The following ANKS1B variants were observed in gnomAD, a reference collection of about 807,000 sequenced individuals.
ANKS1B encodes ankyrin repeat and sterile alpha motif domain-containing protein 1B.
A neutral mutation model predicts 148.3 loss-of-function variants in ANKS1B; 36 were observed. The ratio of observed to expected loss-of-function variants is 0.24; its 90% CI spans 0.19 to 0.32. The LOEUF is 0.32. Ranked by LOEUF, ANKS1B falls within the 10% of genes least tolerant of loss-of-function variation. The pLI, the probability that ANKS1B is intolerant of heterozygous loss-of-function variation, is 1.00. For synonymous variants in ANKS1B, 542 were observed against 560.8 expected (o/e 0.97, Z 0.47); for missense variants, 1,157 against 1,542.6 (o/e 0.75, Z 4.19).
chr12:99,179,671 T>G (rs1382478124), intron 14 of ANKS1B, among the ~76,000 whole-genome samples: 1 of 152,100 alleles, frequency 6.6e-6, no homozygotes, highest in African/African-American at 2.4e-5. Context: ...CCTAATTATG[T>G]GACCATGGGA....
chr12:99,203,800 C>T (rs1023550032), intron 14 of ANKS1B, among the ~76,000 whole-genome samples: 33 of 152,270 alleles, frequency 2.2e-4, no homozygotes, highest in Admixed American at 8.5e-4. Context: ...ATCTCTTTCA[C>T]GGAACTTATT....
chr12:99,357,288 A>T (rs1261963477), intron 12 of ANKS1B, among the ~76,000 whole-genome samples: 2 of 152,076 alleles, frequency 1.3e-5, no homozygotes, highest in East Asian at 3.8e-4. Flanking sequence ...TATCATTTAA[A>T]TATGGTTTGA....
At chr12:99,592,255 T>C (rs552664388) in intron 9 of ANKS1B, among the ~76,000 whole-genome samples, 2 of 152,160 alleles carry the variant, frequency 1.3e-5, no homozygotes, top group African/African-American at 2.4e-5. Flanking sequence ...TGCTCTTTAT[T>C]TTGCCAGCTA....
intron 17 of ANKS1B, among the ~76,000 whole-genome samples, chr12:98,980,687 T>TA (rs1410323279): frequency 5.3e-5 from 8 of 152,196 alleles, no homozygotes; most frequent in Non-Finnish European, 8.8e-5. Flanking sequence ...TTGACTTCCT[T>TA]AAAAAATATT....
At chr12:99,635,375 G>C (rs1567528967) in intron 9 of ANKS1B, among the ~76,000 whole-genome samples, 2 of 152,026 alleles carry the variant, frequency 1.3e-5, no homozygotes, top group African/African-American at 2.4e-5. Flanking sequence ...ACAAATGAAT[G>C]GATCAACAAA....
intron 1 of ANKS1B, among the ~76,000 whole-genome samples, chr12:99,855,492 T>C (rs1440651989): frequency 6.6e-6 from 1 of 152,082 alleles, no homozygotes; most frequent in East Asian, 1.9e-4. Flanking sequence ...CTGACAGCAC[T>C]AGACAAACCA....
intron 10 of ANKS1B, among the ~76,000 whole-genome samples, chr12:99,448,965 T>C (rs1594975937): frequency 6.6e-6 from 1 of 152,118 alleles, no homozygotes; most frequent in East Asian, 1.9e-4. Flanking sequence ...TTCTCTCTTT[T>C]CATTCTGTCT....
chr12:99,182,302 A>T (rs138443714), intron 14 of ANKS1B, among the ~76,000 whole-genome samples: 3 of 152,312 alleles, frequency 2.0e-5, no homozygotes, highest in Non-Finnish European at 2.9e-5. Flanking sequence ...TTACAATTTG[A>T]CATGAGATTT....
chr12:99,700,609 A>G (rs1305132032), intron 8 of ANKS1B, among the ~76,000 whole-genome samples: 2 of 152,056 alleles, frequency 1.3e-5, no homozygotes, highest in Non-Finnish European at 1.5e-5. Context: ...TTCTTTATTG[A>G]GAACTTTCAC....
intron 12 of ANKS1B, among the ~76,000 whole-genome samples, chr12:99,298,063 CCT>C: frequency 6.6e-6 from 1 of 152,270 alleles, no homozygotes; most frequent in South Asian, 2.1e-4. Flanking sequence ...AGTCAAACTT[CCT>C]CTTTCTGTAT....
intron 8 of ANKS1B, among the ~76,000 whole-genome samples, chr12:99,720,103 C>A (rs2057918532): frequency 6.6e-6 from 1 of 152,174 alleles, no homozygotes; most frequent in Non-Finnish European, 1.5e-5. Flanking sequence ...CTCTTAGAAC[C>A]TCTCATTTCC....
chr12:99,857,645 G>A (rs2089374650), intron 1 of ANKS1B, among the ~76,000 whole-genome samples: 1 of 151,996 alleles, frequency 6.6e-6, no homozygotes, highest in Non-Finnish European at 1.5e-5. Context: ...TATACTAAAA[G>A]GCAATAGTCA....
chr12:99,962,811 T>A lies in ANKS1B; in HGVS notation c.134+21293A>T, dbSNP rs1191993961. 7.2e-3 allele frequency among the ~76,000 whole-genome samples: 851 copies of A among 118,656 alleles called. 2 individuals are homozygous for A. The highest frequency in any genetic ancestry group is 0.012 in the Non-Finnish European group (678 of 54,392). The allele number at this position is 118,656 out of a possible 152,430, so 77.8% of individuals were successfully genotyped here. ...TCTCTAATGATCAGTGATGTTGAGC[T>A]TTTTTTTTTTTTTTTTTTTTGAGAC... On this transcript the variant is annotated intron_variant, in intron 1 of 26. Coordinates refer to ENST00000683438, the MANE Select transcript of ANKS1B (RefSeq NM_001352186.2).
chr12:98,990,846 G>T (rs2099926205), intron 17 of ANKS1B, among the ~76,000 whole-genome samples: 1 of 152,198 alleles, frequency 6.6e-6, no homozygotes, highest in African/African-American at 2.4e-5. Context: ...GACATAACCG[G>T]TTTGGGACTA....
intron 17 of ANKS1B, among the ~76,000 whole-genome samples, chr12:98,968,133 T>C (rs1400716727): frequency 1.3e-5 from 2 of 152,078 alleles, no homozygotes; most frequent in Non-Finnish European, 2.9e-5. Flanking sequence ...ATAGGCCAAC[T>C]AAATGAGTAT....
intron 12 of ANKS1B, among the ~76,000 whole-genome samples, chr12:99,395,076 A>G (rs551002238): frequency 8.5e-5 from 13 of 152,274 alleles, no homozygotes; most frequent in Non-Finnish European, 1.8e-4. Context: ...TGCCTTAAAA[A>G]TATGTCCAAC....
At chr12:99,434,722 C>T (rs1446933609) in intron 11 of ANKS1B, among the ~76,000 whole-genome samples, 4 of 151,960 alleles carry the variant, frequency 2.6e-5, no homozygotes, top group Non-Finnish European at 5.9e-5. Context: ...ACTCAATTTT[C>T]TTTTGTTTCT....
At chr12:99,068,292 A>G (rs1599365718) in intron 16 of ANKS1B, among the ~76,000 whole-genome samples, 1 of 152,294 alleles carries the variant, frequency 6.6e-6, no homozygotes, top group Middle Eastern at 3.4e-3. Context: ...TTGTGCGAAC[A>G]TCAGACAGTG....
At chr12:99,541,102 A>G (rs1339668359) in intron 9 of ANKS1B, among the ~76,000 whole-genome samples, 1 of 152,210 alleles carries the variant, frequency 6.6e-6, no homozygotes, top group African/African-American at 2.4e-5. Flanking sequence ...GACCTATAAC[A>G]AGTAAGAGAT....
Sources: gnomAD v4.1 joint callset for allele counts (sites outside exome capture counted in the v4.1 genomes callset) on GRCh38, gnomAD v4.1.1 for gene constraint, MANE v1.5 for transcripts, NCBI Gene and HGNC (gene_info 2026-07-23, HGNC 2026-07-21) for gene names.